The following KSR2 variants were observed in gnomAD, a reference collection of about 807,000 sequenced individuals.
KSR2 encodes the protein kinase suppressor of ras 2.
Under a neutral mutation model 107.8 loss-of-function variants are expected in KSR2, and 25 were observed. The observed-to-expected ratio is 0.23, with a 90% confidence interval of 0.17 to 0.32. The LOEUF (loss-of-function observed/expected upper bound fraction) is 0.32. Ranked by LOEUF, KSR2 falls within the 10% of genes least tolerant of loss-of-function variation. KSR2 has a pLI of 1.00. For synonymous variants in KSR2, 480 were observed against 507.0 expected (o/e 0.95, Z 0.71); for missense variants, 887 against 1,268.9 (o/e 0.70, Z 4.57).
chr12:117,926,033 C>T (rs1015936544), intron 1 of KSR2, among the ~76,000 whole-genome samples: 3 of 152,114 alleles, frequency 2.0e-5, no homozygotes, highest in African/African-American at 4.8e-5. Context: ...CCTGTCTCTA[C>T]TAAAAACATA....
At chr12:117,875,026 G>A (rs1252968446) in intron 1 of KSR2, among the ~76,000 whole-genome samples, 1 of 152,124 alleles carries the variant, frequency 6.6e-6, no homozygotes, top group African/African-American at 2.4e-5. Flanking sequence ...CACACCAGGG[G>A]GCAGCCTGGC....
intron 1 of KSR2, among the ~76,000 whole-genome samples, chr12:117,860,973 C>A (rs1048695006): frequency 6.6e-6 from 1 of 152,176 alleles, no homozygotes; most frequent in Admixed American, 6.5e-5. Flanking sequence ...CCCGCCTCGG[C>A]CTCCCAAAGT....
At chr12:117,649,756 T>C (rs1245630878) in intron 5 of KSR2, among the ~76,000 whole-genome samples, 2 of 152,120 alleles carry the variant, frequency 1.3e-5, no homozygotes, top group Non-Finnish European at 1.5e-5. Flanking sequence ...ATGTGCTTCC[T>C]AGAGGAGTGT....
chr12:117,731,972 A>G (rs1887739842), intron 4 of KSR2, among the ~76,000 whole-genome samples: 1 of 148,282 alleles, frequency 6.7e-6, no homozygotes, highest in Non-Finnish European at 1.5e-5. Flanking sequence ...CCTTCCCTCC[A>G]CTATTGTCCT....
At chr12:117,624,216 G>A (rs928322131) in intron 5 of KSR2, among the ~76,000 whole-genome samples, 43 of 152,292 alleles carry the variant, frequency 2.8e-4, no homozygotes, top group Middle Eastern at 3.4e-3. Context: ...CTGTGCAGAA[G>A]CTCTTTAGCT....
chr12:117,937,322 C>T (rs544503271), intron 1 of KSR2, among the ~76,000 whole-genome samples: 2 of 152,188 alleles, frequency 1.3e-5, no homozygotes, highest in South Asian at 4.1e-4. Context: ...AATGTATTTC[C>T]GTTTCACCAC....
chr12:117,839,667 T>G (rs1390603981), intron 3 of KSR2, among the ~76,000 whole-genome samples: 1 of 152,146 alleles, frequency 6.6e-6, no homozygotes, highest in Non-Finnish European at 1.5e-5. Flanking sequence ...TGGCCGAAGA[T>G]CGACACAGGT....
chr12:117,555,132 C>A (rs770319405), intron 9 of KSR2, 37 bp downstream of exon 9: 1 of 1,612,972 alleles, frequency 6.2e-7, no homozygotes, highest in South Asian at 1.1e-5. Flanking sequence ...GCAGTGCCAG[C>A]CCCACATGCC....
intron 5 of KSR2, among the ~76,000 whole-genome samples, chr12:117,627,985 G>A (rs1176625659): frequency 6.6e-6 from 1 of 152,056 alleles, no homozygotes; most frequent in Non-Finnish European, 1.5e-5. Context: ...TCTTCCACTT[G>A]ATCGAATCAG....
At chr12:117,759,366 G>A (rs1380572151) in intron 4 of KSR2, among the ~76,000 whole-genome samples, 1 of 152,178 alleles carries the variant, frequency 6.6e-6, no homozygotes, top group East Asian at 1.9e-4. Flanking sequence ...TTGAGTAACT[G>A]CAACAGAGAC....
chr12:117,738,425 C>A (rs1194885888), intron 4 of KSR2, among the ~76,000 whole-genome samples: 1 of 152,188 alleles, frequency 6.6e-6, no homozygotes, highest in African/African-American at 2.4e-5. Flanking sequence ...TACTATCCCC[C>A]CAGGCTGTGT....
intron 1 of KSR2, among the ~76,000 whole-genome samples, chr12:117,966,693 CCTCTCT>C (rs34813956): frequency 6.7e-6 from 1 of 148,514 alleles, no homozygotes; most frequent in African/African-American, 2.5e-5. Context: ...TTTCTCCCTC[CCTCTCT>C]CTCTCTCTCT....
intron 4 of KSR2, among the ~76,000 whole-genome samples, chr12:117,712,051 C>A (rs1886803953): frequency 6.6e-6 from 1 of 152,222 alleles, no homozygotes; most frequent in African/African-American, 2.4e-5. Flanking sequence ...CCCAAGCCAA[C>A]CCTCCCAGGT....
chr12:117,647,762 G>A (rs7953294), intron 5 of KSR2, among the ~76,000 whole-genome samples: 12,250 of 152,000 alleles, frequency 0.081, 1,119 homozygotes, highest in African/African-American at 0.22. Flanking sequence ...TCACTCTGTC[G>A]CCCAGGCTGG....
In KSR2 at chr12:117,935,251, C is replaced by A. The variant is rs1854585160; in HGVS notation, c.180+32825G>T. ...CCTGGCTCGAGCAATCCTCCCTCCTCAGCCTCCCAAGTAGCTGGAATCATA... is the reference window on the plus strand; with the variant it reads ...CCTGGCTCGAGCAATCCTCCCTCCTAAGCCTCCCAAGTAGCTGGAATCATA... On this transcript the variant is annotated intron_variant, in intron 1 of 19. Coordinates refer to ENST00000339824, the MANE Select transcript of KSR2 (RefSeq NM_173598.6). 2.0e-5 allele frequency among the ~76,000 whole-genome samples: 3 copies of A among 152,100 alleles called. 1 individual carries two copies. In the South Asian group the frequency reaches 6.2e-4, roughly 31 times the overall value.
intron 4 of KSR2, among the ~76,000 whole-genome samples, chr12:117,742,671 C>T (rs1287689538): frequency 6.6e-6 from 1 of 152,106 alleles, no homozygotes; most frequent in Non-Finnish European, 1.5e-5. Flanking sequence ...GTTCTTATAA[C>T]TTTTTTGCAA....
intron 10 of KSR2, among the ~76,000 whole-genome samples, chr12:117,533,311 A>G (rs1875794277): frequency 1.3e-5 from 2 of 152,226 alleles, no homozygotes; most frequent in African/African-American, 4.8e-5. Flanking sequence ...ACAGGGAGTA[A>G]GTCCTACTAT....
chr12:117,553,947 G>C (rs540278385), intron 9 of KSR2, among the ~76,000 whole-genome samples: 62 of 152,094 alleles, frequency 4.1e-4, no homozygotes, highest in African/African-American at 1.5e-3. Flanking sequence ...AGCAGCCTGT[G>C]GCCTCCCCAG....
chr12:117,597,426 C>G (rs1253317910), intron 5 of KSR2, among the ~76,000 whole-genome samples: 1 of 152,062 alleles, frequency 6.6e-6, no homozygotes, highest in Non-Finnish European at 1.5e-5. Context: ...CCAGGTGAGC[C>G]TGAGATATAA....
Sources: gnomAD v4.1 joint callset for allele counts (sites outside exome capture counted in the v4.1 genomes callset) on GRCh38, gnomAD v4.1.1 for gene constraint, MANE v1.5 for transcripts, NCBI Gene and HGNC (gene_info 2026-07-23, HGNC 2026-07-21) for gene names.